TARBP1: variants seen among roughly 807,000 people sequenced by gnomAD.
TARBP1 encodes tRNA guanosine 2 -O-methyltransferase TARBP1, also known as tRNA (guanosine(18)-2'-O)-methyltransferase TARBP1.
In TARBP1, 144 loss-of-function variants were observed where a neutral mutation model predicts 178.6. That is an observed-to-expected ratio of 0.81 (90% CI 0.70 to 0.93). The LOEUF (loss-of-function observed/expected upper bound fraction) is 0.93. Among genes scored for constraint, TARBP1 ranks in the 40% least tolerant of loss-of-function variants. The pLI is 0.00. For missense variants in TARBP1, 2,067 were observed against 2,011.7 expected (o/e 1.03, Z -0.53); for synonymous variants, 787 against 781.0 (o/e 1.01, Z -0.13).
At chr1:234,426,621 G>A (rs1471914697) in intron 19 of TARBP1, among the ~76,000 whole-genome samples, 1 of 152,034 alleles carries the variant, frequency 6.6e-6, no homozygotes, top group Non-Finnish European at 1.5e-5. Context: ...TAAAATTAGA[G>A]TGAATGATAC....
chr1:234,471,353 T>C, intron 2 of TARBP1, 96 bp from the exon 3 acceptor site: 1 of 791,970 alleles, frequency 1.3e-6, no homozygotes, highest in Non-Finnish European at 2.1e-6. Context: ...GCTCTTCTGT[T>C]TCTACAAAAC....
chr1:234,437,330 G>A lies in TARBP1; in HGVS notation c.2177C>T (p.Thr726Ile), dbSNP rs199661794. 2.4e-5 allele frequency: 39 copies of A among 1,598,564 alleles called. No homozygotes were observed. The Admixed American group carries it at 4.5e-4, about 18-fold the overall frequency. Residue 726 changes from threonine to isoleucine, a missense_variant, in exon 13 of 30, where the codon ACA (threonine) becomes ATA (isoleucine). Physicochemically the swap from Thr to Ile is moderately conservative, Grantham distance 89 (BLOSUM62 -1). Coordinates refer to ENST00000040877, the MANE Select transcript of TARBP1 (RefSeq NM_005646.4). Reference sequence around the variant, plus strand: ...GAGAATAAATTCAGAAATGCTCTCTGTAGTAGACATGAAAAAGTTCTGAAG... The same window carrying A: ...GAGAATAAATTCAGAAATGCTCTCTATAGTAGACATGAAAAAGTTCTGAAG... ...TVLQNFFMSTTESISEFILRR... is the reference protein window; with the variant it reads ...TVLQNFFMSTIESISEFILRR...
intron 9 of TARBP1, among the ~76,000 whole-genome samples, chr1:234,453,347 A>G (rs1325420001): frequency 7.0e-6 from 1 of 143,044 alleles, no homozygotes; most frequent in Admixed American, 7.0e-5. Context: ...TTTTTTTTAC[A>G]TTATTACTTT....
intron 12 of TARBP1, among the ~76,000 whole-genome samples, chr1:234,442,175 G>A (rs1445692661): frequency 6.6e-6 from 1 of 152,096 alleles, no homozygotes; most frequent in Non-Finnish European, 1.5e-5. Context: ...ACGACCTGGG[G>A]CTAAGGCAGA....
chr1:234,467,715 A>G lies in TARBP1; in HGVS notation c.1100-65T>C, dbSNP rs1668592792. 4 of 1,403,096 alleles carry G rather than the reference A, an allele frequency of 2.9e-6. No individual in the cohort carries two copies. The Admixed American group carries it at 1.2e-4, about 41-fold the overall frequency. The allele number at this position is 1,403,096 out of a possible 1,614,324, so 86.9% of individuals were successfully genotyped here. On this transcript the variant is annotated intron_variant, in intron 3 of 29. Coordinates refer to ENST00000040877, the MANE Select transcript of TARBP1 (RefSeq NM_005646.4). The stretch of plus-strand genomic sequence containing the variant: ...CTTCATTTCACCATCAAGACTACAT[A>G]CTCATAAATAATGTACAAACACACA...
At chr1:234,415,400 T>C (rs1662310140) in intron 22 of TARBP1, among the ~76,000 whole-genome samples, 1 of 152,188 alleles carries the variant, frequency 6.6e-6, no homozygotes, top group South Asian at 2.1e-4. Flanking sequence ...AACTGTTATT[T>C]TCTCTAAAAA....
chr1:234,402,571 CTTTG>C (rs373984336), intron 24 of TARBP1, among the ~76,000 whole-genome samples: 42 of 150,450 alleles, frequency 2.8e-4, no homozygotes, highest in South Asian at 2.0e-3. Context: ...CACATTTGGA[CTTTG>C]TTTGTTTGTT....
Position 234,478,108 on chromosome 1 carries a change from AG to A in TARBP1, c.931+64del, listed in dbSNP as rs1362604885. ...CCCCGATAAGCTAGTTTTTAGAAGC[AG>A]GAAGACTCCCCTCTGGGGCAGCCAA... On this transcript the variant is annotated intron_variant, in intron 1 of 29. Transcript: ENST00000040877. The A allele has an allele frequency of 4.0e-6, 6 of 1,509,818 alleles. No homozygotes were observed. The African/African-American group carries it at 5.6e-5, about 14-fold the overall frequency. The allele number at this position is 1,509,818 out of a possible 1,614,324, so 93.5% of individuals were successfully genotyped here. A position where few individuals can be genotyped will look rare whatever the true frequency, so the allele number is the denominator to read the frequency against.
chr1:234,442,126 T>G (rs924753925), intron 12 of TARBP1, among the ~76,000 whole-genome samples: 1 of 152,092 alleles, frequency 6.6e-6, no homozygotes, highest in African/African-American at 2.4e-5. Flanking sequence ...ATATCATAAG[T>G]CTAAAAGTAA....
At chr1:234,420,482 G>A (rs993571183) in intron 21 of TARBP1, among the ~76,000 whole-genome samples, 52 of 152,108 alleles carry the variant, frequency 3.4e-4, no homozygotes, top group African/African-American at 1.2e-3. Context: ...ATTAAATGGG[G>A]CCATGTAAAC....
At chr1:234,446,176 G>C (rs1398949554) in intron 12 of TARBP1, among the ~76,000 whole-genome samples, 1 of 152,110 alleles carries the variant, frequency 6.6e-6, no homozygotes, top group African/African-American at 2.4e-5. Context: ...AATGAGACTG[G>C]TCAGGAAGGA....
At chr1:234,459,612 G>A (rs1667639808) in intron 7 of TARBP1, among the ~76,000 whole-genome samples, 1 of 152,056 alleles carries the variant, frequency 6.6e-6, no homozygotes, top group South Asian at 2.1e-4. Flanking sequence ...AGGAGTTTGA[G>A]ACCAGCCTGG....
At position 234,392,498 on chromosome 1, in the gene TARBP1, T is replaced by C. The variant is rs767028258; in HGVS notation, c.4615A>G (p.Thr1539Ala). ...YLQQKKTEGY[T>A]IIGVEQTAKS... The stretch of plus-strand genomic sequence containing the variant: ...GCAGTTTGTTCCACTCCAATGATGG[T>C]ATAACCTTCTGTTTTCTTCTGCTGC... The change falls in exon 29 of 30, where the codon ACC (threonine) becomes GCC (alanine). Residue 1539 changes from threonine (T) to alanine (A), a missense_variant. Physicochemically the swap from Thr to Ala is moderately conservative, Grantham distance 58. Coordinates refer to ENST00000040877, the MANE Select transcript of TARBP1 (RefSeq NM_005646.4). The C allele has an allele frequency of 6.2e-7, 1 of 1,614,032 alleles. No individual in the cohort carries two copies. The highest frequency in any genetic ancestry group is 1.3e-5 in the African/African-American group (1 of 74,940).
At chr1:234,427,278 C>G (rs1173051571) in intron 19 of TARBP1, 39 bp downstream of exon 19, 1 of 1,435,798 alleles carries the variant, frequency 7.0e-7, no homozygotes, top group South Asian at 1.2e-5. Context: ...TTTTTAGTAT[C>G]TCATTTATGT....
In TARBP1 at chr1:234,427,710, C is replaced by T. The variant is rs1456184041; in HGVS notation, c.3117G>A (p.Leu1039=). The change falls in exon 18 of 30, where the codon CTG becomes CTA. Residue 1039 remains leucine (L), a synonymous_variant. Transcript: ENST00000040877. The stretch of plus-strand genomic sequence containing the variant: ...TCCAAGACTGACAGCAGTAACTTAT[C>T]AGTGTATTGAAGACTCCAGTCTTTA... The part of the protein sequence containing the change: ...SAIKTGVFNT[L]ISYCCQSWIV... 1 of 1,539,374 alleles carries T rather than the reference C, an allele frequency of 6.5e-7. No individual in the cohort carries two copies. The highest frequency in any genetic ancestry group is 8.7e-7 in the Non-Finnish European group (1 of 1,152,734).
chr1:234,458,148 A>T (rs1248465650), intron 8 of TARBP1, among the ~76,000 whole-genome samples: 6 of 152,208 alleles, frequency 3.9e-5, no homozygotes, highest in African/African-American at 1.4e-4. Context: ...GTTCGAGACC[A>T]GCCTGGCTAA....
chr1:234,425,156 C>G (rs867025313), intron 20 of TARBP1, among the ~76,000 whole-genome samples: 1 of 151,904 alleles, frequency 6.6e-6, no homozygotes, highest in African/African-American at 2.4e-5. Flanking sequence ...ACCTGGGAGG[C>G]GGAGGTTGCA....
At chr1:234,427,827 T>TCACGCCTGTAATCCC in intron 17 of TARBP1, 61 bp from the exon 18 acceptor site, 1 of 1,196,336 alleles carries the variant, frequency 8.4e-7, no homozygotes, top group Non-Finnish European at 1.1e-6. Context: ...TCAGTGCTGC[T>TCACGCCTGTAATCCC]AAAAACTGTT....
intron 26 of TARBP1, among the ~76,000 whole-genome samples, chr1:234,395,218 G>A (rs1010242858): frequency 9.9e-5 from 15 of 152,040 alleles, no homozygotes; most frequent in East Asian, 5.8e-4. Flanking sequence ...GAGACAGAGC[G>A]AGACTCCGTC....
Sources: allele counts gnomAD v4.1 joint callset (sites outside exome capture counted in the v4.1 genomes callset), GRCh38; gene constraint gnomAD v4.1.1; transcripts MANE v1.5; gene names NCBI Gene and HGNC (gene_info 2026-07-23, HGNC 2026-07-21).